The following PCDHGB1 variants were observed in gnomAD, a reference collection of about 807,000 sequenced individuals.
The protein encoded by PCDHGB1 is protocadherin gamma subfamily B, 1, also known as protocadherin gamma-B1.
PCDHGB1 carries 34 observed loss-of-function variants against 56.6 expected under a neutral mutation model. The ratio of observed to expected loss-of-function variants is 0.60; its 90% CI spans 0.46 to 0.80. The LOEUF is 0.80. Ranked by LOEUF, PCDHGB1 falls within the 30% of genes least tolerant of loss-of-function variation. The pLI, the probability that PCDHGB1 is intolerant of heterozygous loss-of-function variation, is 0.00. For missense variants in PCDHGB1, 1,278 were observed against 1,204.6 expected (o/e 1.06, Z -0.90); for synonymous variants, 561 against 505.9 (o/e 1.11, Z -1.46).
At chr5:141,360,831 C>T (rs1179144705) in intron 1 of PCDHGB1, 1 of 1,613,838 alleles carries the variant, frequency 6.2e-7, no homozygotes. Flanking sequence ...GAATCAAAGT[C>T]ACGGATGCCA....
intron 1 of PCDHGB1, chr5:141,400,718 A>G (rs2094066078): frequency 3.0e-6 from 2 of 671,700 alleles, no homozygotes; most frequent in Non-Finnish European, 5.0e-6. Flanking sequence ...AGCCTTATAG[A>G]TTTACAAAGT....
intron 1 of PCDHGB1, chr5:141,393,601 C>T (rs1392489335): frequency 8.1e-6 from 13 of 1,613,812 alleles, no homozygotes; most frequent in Non-Finnish European, 1.1e-5. Flanking sequence ...CGGCTGCTTA[C>T]TGTAACAGCC....
At chr5:141,404,252 A>G (rs2094504105) in intron 1 of PCDHGB1, 8 of 1,613,986 alleles carry the variant, frequency 5.0e-6, no homozygotes, top group South Asian at 1.1e-5. Context: ...GCCCCTGTCC[A>G]CAGAAATTCA....
chr5:141,477,512 A>G lies in PCDHGB1; in HGVS notation c.2410-17295A>G. 1.9e-6 allele frequency: 3 copies of G among 1,614,156 alleles called. No homozygotes were observed. Among genetic ancestry groups the G allele is most frequent in the South Asian group, 2.2e-5 (2 of 91,072 alleles). ...TTCTCAATCTTCCTACGACGTTTAC[A>G]TTGAAGAAAACAACCTCCCCGGGGC... On this transcript the variant is annotated intron_variant, in intron 1 of 3. Transcript: ENST00000523390. This position sits in a 1 kb window ranked among gnomAD's most constrained non-coding sequence, Gnocchi z 4.9.
At chr5:141,393,326 G>C (rs2092729554) in intron 1 of PCDHGB1, 2 of 1,611,218 alleles carry the variant, frequency 1.2e-6, no homozygotes, top group Non-Finnish European at 1.7e-6. Context: ...AGAGCTACCA[G>C]CTCAGCCCCA....
In PCDHGB1 at chr5:141,350,570, G is replaced by A; in HGVS notation, c.310G>A (p.Glu104Lys). 1 of 1,614,054 alleles carries A rather than the reference G, an allele frequency of 6.2e-7. No individual in the cohort carries two copies. Among genetic ancestry groups the A allele is most frequent in the Non-Finnish European group, 8.5e-7 (1 of 1,179,892 alleles). ...GAAACTTGAGTGTGCACTAGAATTC[G>A]AAACGGTCGCTGAAAACCCAATGAA... is the stretch of plus-strand genomic sequence containing the variant. ...GRKLECALEFETVAENPMNVF... is the reference protein window; with the variant it reads ...GRKLECALEFKTVAENPMNVF... Residue 104 changes from glutamate (E) to lysine (K), a missense_variant, in exon 1 of 4, where the codon GAA becomes AAA. Physicochemically the swap from Glu to Lys is moderately conservative, Grantham distance 56. Transcript: ENST00000523390.
chr5:141,501,508 C>A (rs1378333182), intron 2 of PCDHGB1, among the ~76,000 whole-genome samples: 1 of 151,960 alleles, frequency 6.6e-6, no homozygotes, highest in Non-Finnish European at 1.5e-5. Flanking sequence ...GGCTCCAAGG[C>A]CTCCAAGCTG....
intron 1 of PCDHGB1, chr5:141,375,808 G>A (rs992921332): frequency 6.2e-7 from 1 of 1,614,226 alleles, no homozygotes; most frequent in Non-Finnish European, 8.5e-7. Context: ...CCACTGGCGT[G>A]GAGCTGGCGC....
intron 1 of PCDHGB1, chr5:141,389,699 C>T: frequency 1.2e-6 from 2 of 1,612,646 alleles, no homozygotes; most frequent in Non-Finnish European, 1.7e-6. Flanking sequence ...TGTCCTACCA[C>T]GTGCTGCAGG....
chr5:141,419,878 G>T (rs1342215231), intron 1 of PCDHGB1: 1 of 1,613,942 alleles, frequency 6.2e-7, no homozygotes, highest in African/African-American at 1.3e-5. Context: ...AGGTACTGCC[G>T]GATTTCAGCG....
At chr5:141,376,773 G>A (rs1773367206) in intron 1 of PCDHGB1, 1 of 400,602 alleles carries the variant, frequency 2.5e-6, no homozygotes, top group East Asian at 5.1e-5. Context: ...TGCAAGCTCC[G>A]CTTCCCGGGT....
At chr5:141,357,022 C>T (rs1318663239) in intron 1 of PCDHGB1, 1 of 1,614,150 alleles carries the variant, frequency 6.2e-7, no homozygotes, top group Non-Finnish European at 8.5e-7. Flanking sequence ...GTCCTACAGC[C>T]TACTCAAGTC....
chr5:141,489,124 A>C lies in PCDHGB1; in HGVS notation c.2410-5683A>C. The C allele has an allele frequency of 3.6e-6, 2 of 556,652 alleles. No individual in the cohort carries two copies. Among genetic ancestry groups the C allele is most frequent in the South Asian group, 3.3e-5 (1 of 30,014 alleles). The allele number at this position is 556,652 out of a possible 1,614,324, so 34.5% of individuals were successfully genotyped here. On this transcript the variant is annotated intron_variant, in intron 1 of 3. Transcript: ENST00000523390. The surrounding 1 kb of genome is among the most constrained non-coding windows in gnomAD (Gnocchi z 4.5). ...GCTGCAAGCAGGCAAACCTCCGAGC[A>C]GTTTTTAAGAGGCTGGAAGGAGACA...
In PCDHGB1 at chr5:141,451,935, A is replaced by G. The variant is rs148815534; in HGVS notation, c.2410-42872A>G. Among the ~76,000 whole-genome samples, 120 of 152,282 alleles carry G rather than the reference A, an allele frequency of 7.9e-4. 5 individuals carry two copies. The East Asian group carries it at 0.017, about 21-fold the overall frequency. ...GAGGAAGGAAGGGAGGTAGGGAGGC[A>G]GGGAAAGACCGAGAAAGTGACATAC... On this transcript the variant is annotated intron_variant, in intron 1 of 3. Coordinates refer to ENST00000523390, the MANE Select transcript of PCDHGB1 (RefSeq NM_018922.3).
At chr5:141,461,501 T>A (rs113852528) in intron 1 of PCDHGB1, among the ~76,000 whole-genome samples, 4 of 152,310 alleles carry the variant, frequency 2.6e-5, no homozygotes, top group South Asian at 2.1e-4. Context: ...TTATTTTTCT[T>A]GGTGATTTGT....
At chr5:141,400,860 A>G (rs77207205) in intron 1 of PCDHGB1, among the ~76,000 whole-genome samples, 6,447 of 152,342 alleles carry the variant, frequency 0.042, 220 homozygotes, top group African/African-American at 0.092. Flanking sequence ...TATTGTATGT[A>G]GATAAACCAT....
At chr5:141,420,077 C>A (rs760626443) in intron 1 of PCDHGB1, 1 of 1,613,900 alleles carries the variant, frequency 6.2e-7, no homozygotes, top group Non-Finnish European at 8.5e-7. Context: ...ACCTGTGGGT[C>A]CCCCCAACTA....
intron 1 of PCDHGB1, chr5:141,392,937 G>A: frequency 6.2e-7 from 1 of 1,613,948 alleles, no homozygotes; most frequent in Admixed American, 1.7e-5. Context: ...GACGGACAAA[G>A]GCTCCTTCGT....
Position 141,491,078 on chromosome 5 carries a change from C to G in PCDHGB1, c.2410-3729C>G, listed in dbSNP as rs1386717886. The G allele has an allele frequency of 5.6e-6, 9 of 1,614,194 alleles. No homozygotes were observed. Among genetic ancestry groups the G allele is most frequent in the East Asian group, 4.5e-5 (2 of 44,882 alleles). ...CTCTCCTACTCACTGTTGCCACAGTCCACAGCCCCAGGACTGTTCCTCGTG... is the reference window on the plus strand; with the variant it reads ...CTCTCCTACTCACTGTTGCCACAGTGCACAGCCCCAGGACTGTTCCTCGTG... On this transcript the variant is annotated intron_variant, in intron 1 of 3. Transcript: ENST00000523390. This position sits in a 1 kb window ranked among gnomAD's most constrained non-coding sequence, Gnocchi z 6.9.
Sources: allele counts gnomAD v4.1 joint callset (sites outside exome capture counted in the v4.1 genomes callset), GRCh38; gene constraint gnomAD v4.1.1; non-coding constraint Gnocchi (gnomAD v3.1); transcripts MANE v1.5; gene names NCBI Gene and HGNC (gene_info 2026-07-23, HGNC 2026-07-21).